The following NRXN3 variants were observed in gnomAD, a reference collection of about 807,000 sequenced individuals.
The protein encoded by NRXN3 is neurexin 3.
In NRXN3, 32 loss-of-function variants were observed where a neutral mutation model predicts 137.6. The ratio of observed to expected loss-of-function variants is 0.23; its 90% confidence interval spans 0.18 to 0.31. NRXN3 has a LOEUF of 0.31. Among genes scored for constraint, NRXN3 ranks in the 10% least tolerant of loss-of-function variants. The pLI is 1.00. For missense variants in NRXN3, 1,574 were observed against 2,062.5 expected (o/e 0.76, Z 4.59); for synonymous variants, 798 against 784.5 (o/e 1.02, Z -0.29).
chr14:79,046,374 G>T (rs1403922607), intron 15 of NRXN3, among the ~76,000 whole-genome samples: 1 of 152,178 alleles, frequency 6.6e-6, no homozygotes, highest in Non-Finnish European at 1.5e-5. Context: ...TTTGGAGCAA[G>T]GTCTAGAAGC....
chr14:79,785,932 G>T (rs1426430444), intron 19 of NRXN3, among the ~76,000 whole-genome samples: 1 of 151,588 alleles, frequency 6.6e-6, no homozygotes, highest in Non-Finnish European at 1.5e-5. Context: ...TAACCACTGT[G>T]TCAAGACCTC....
At chr14:78,725,926 C>A (rs2098481124) in intron 8 of NRXN3, among the ~76,000 whole-genome samples, 1 of 152,098 alleles carries the variant, frequency 6.6e-6, no homozygotes, top group Non-Finnish European at 1.5e-5. Context: ...TATTTTCATT[C>A]TTAATTTATA....
intron 1 of NRXN3, among the ~76,000 whole-genome samples, chr14:78,175,698 A>G (rs1217653917): frequency 6.6e-6 from 1 of 152,066 alleles, no homozygotes; most frequent in Non-Finnish European, 1.5e-5. Context: ...CAGGTTGGCC[A>G]TGCTGAGCTC....
intron 15 of NRXN3, among the ~76,000 whole-genome samples, chr14:79,012,242 T>C (rs1329974748): frequency 6.6e-6 from 1 of 152,192 alleles, no homozygotes; most frequent in African/African-American, 2.4e-5. Context: ...AAAGATAGTG[T>C]ATCCAAGGTC....
chr14:78,645,465 T>A, intron 5 of NRXN3, 44 bp downstream of exon 5: 8 of 1,496,422 alleles, frequency 5.3e-6, no homozygotes, highest in Non-Finnish European at 7.1e-6. Flanking sequence ...TCATCTTAGG[T>A]GGCTGGGTAG....
chr14:79,189,569 C>G (rs982719044), intron 15 of NRXN3, among the ~76,000 whole-genome samples: 1 of 151,876 alleles, frequency 6.6e-6, no homozygotes, highest in African/African-American at 2.4e-5. Context: ...TCTTCTTTAT[C>G]TCTTCCTCCC....
chr14:78,582,787 C>A (rs1277120043), intron 4 of NRXN3, among the ~76,000 whole-genome samples: 1 of 152,150 alleles, frequency 6.6e-6, no homozygotes, highest in African/African-American at 2.4e-5. Flanking sequence ...AAGACAATAA[C>A]CCATCCACAC....
chr14:78,849,887 T>C (rs2099037954), intron 10 of NRXN3, among the ~76,000 whole-genome samples: 1 of 152,036 alleles, frequency 6.6e-6, no homozygotes, highest in South Asian at 2.1e-4. Flanking sequence ...TCTAATTATT[T>C]GCGAAGGAAA....
At chr14:79,411,371 C>A (rs2095415020) in intron 15 of NRXN3, among the ~76,000 whole-genome samples, 1 of 152,072 alleles carries the variant, frequency 6.6e-6, no homozygotes, top group African/African-American at 2.4e-5. Flanking sequence ...CAGTCCTTGC[C>A]ACCCCCAACC....
rs575109455 is a variant in NRXN3, at chr14:79,441,210, C to T, written c.3263-26011C>T. Among the ~76,000 whole-genome samples, 193 of 151,600 alleles carry T rather than the reference C, an allele frequency of 1.3e-3. 3 individuals carry two copies. The highest frequency in any genetic ancestry group is 4.1e-3 in the African/African-American group (169 of 41,318). ...GTGTTTCTTTTTTTTTAAATAGAAA[C>T]CCATACTTGAGAAGGTAGCAAAGAG... On this transcript the variant is annotated intron_variant, in intron 15 of 20. Transcript: ENST00000335750.
At position 79,538,134 on chromosome 14, in the gene NRXN3, G is replaced by A. The variant is rs529378712; in HGVS notation, c.3444+70732G>A. ...CATATCCTTTGCCCACTTTTTGATGGGGTTGTTTGTTTTTTTCTTGTAAAT... is the reference window on the plus strand; with the variant it reads ...CATATCCTTTGCCCACTTTTTGATGAGGTTGTTTGTTTTTTTCTTGTAAAT... On this transcript the variant is annotated intron_variant, in intron 16 of 20. Coordinates refer to ENST00000335750, the MANE Select transcript of NRXN3 (RefSeq NM_001330195.2). Among the ~76,000 whole-genome samples, 4 of 152,088 alleles carry A rather than the reference G, an allele frequency of 2.6e-5. No individual in the cohort carries two copies. In the East Asian group the frequency reaches 7.8e-4, roughly 29 times the overall value.
At chr14:79,048,623 CTTT>C (rs56880456) in intron 15 of NRXN3, among the ~76,000 whole-genome samples, 2 of 146,712 alleles carry the variant, frequency 1.4e-5, no homozygotes, top group East Asian at 2.0e-4. Context: ...TTCAGTGAGT[CTTT>C]TTTTTTTTTT....
chr14:79,594,072 A>G (rs2153824896), intron 16 of NRXN3, among the ~76,000 whole-genome samples: 1 of 152,302 alleles, frequency 6.6e-6, no homozygotes, highest in South Asian at 2.1e-4. Context: ...AAATCCTTTG[A>G]AGTTTTCTTT....
intron 15 of NRXN3, among the ~76,000 whole-genome samples, chr14:79,126,475 T>G (rs551047893): frequency 6.6e-6 from 1 of 152,228 alleles, no homozygotes; most frequent in South Asian, 2.1e-4. Context: ...ATTTCCAATT[T>G]CATCCATGTC....
intron 4 of NRXN3, among the ~76,000 whole-genome samples, chr14:78,534,453 A>G (rs1486913821): frequency 6.6e-6 from 1 of 152,234 alleles, no homozygotes; most frequent in Admixed American, 6.5e-5. Context: ...ATATTCAGAA[A>G]GTGGAATGAG....
chr14:79,601,020 CTTG>C (rs1431154355), intron 16 of NRXN3, among the ~76,000 whole-genome samples: 1 of 129,164 alleles, frequency 7.7e-6, no homozygotes, highest in African/African-American at 2.9e-5. Flanking sequence ...GGATTAGATT[CTTG>C]TTTTTTTCTT....
At chr14:78,297,329 TG>T (rs1264922624) in intron 3 of NRXN3, among the ~76,000 whole-genome samples, 1 of 152,194 alleles carries the variant, frequency 6.6e-6, no homozygotes, top group African/African-American at 2.4e-5. Flanking sequence ...AAAAGTTGGA[TG>T]GTAGTCTCTG....
intron 20 of NRXN3, among the ~76,000 whole-genome samples, chr14:79,825,843 G>A (rs2099296657): frequency 6.6e-6 from 1 of 152,066 alleles, no homozygotes; most frequent in South Asian, 2.1e-4. Context: ...TAAGTTTCAT[G>A]GTTGTTTCTT....
intron 15 of NRXN3, among the ~76,000 whole-genome samples, chr14:79,393,681 G>A (rs1384974597): frequency 1.3e-5 from 2 of 152,152 alleles, no homozygotes; most frequent in Non-Finnish European, 1.5e-5. Context: ...CGGGCGTGGT[G>A]GCGGGCGCCT....
Sources: allele counts gnomAD v4.1 joint callset (sites outside exome capture counted in the v4.1 genomes callset), GRCh38; gene constraint gnomAD v4.1.1; transcripts MANE v1.5; gene names NCBI Gene and HGNC (gene_info 2026-07-23, HGNC 2026-07-21).